SEC22A: variants seen among roughly 807,000 people sequenced by gnomAD.
SEC22A encodes the protein vesicle-trafficking protein SEC22a.
SEC22A carries 22 observed loss-of-function variants against 35.3 expected under a neutral mutation model. The observed-to-expected ratio is 0.62, with a 90% CI of 0.45 to 0.89. SEC22A has a LOEUF of 0.89. SEC22A is among the 40% of genes least tolerant of loss of function. SEC22A has a pLI of 0.00. For missense variants in SEC22A, 354 were observed against 362.5 expected (o/e 0.98, Z 0.19); for synonymous variants, 119 against 129.5 (o/e 0.92, Z 0.55).
At chr3:123,204,759 T>G (rs929228132) in intron 1 of SEC22A, 2 of 152,258 alleles carry the variant, frequency 1.3e-5, no homozygotes, top group Non-Finnish European at 2.9e-5. Flanking sequence ...TCAGGTTCCC[T>G]GTGAGTTAAC....
chr3:123,271,316 T>A (rs1938153522), intron 6 of SEC22A, among the ~76,000 whole-genome samples: 1 of 152,186 alleles, frequency 6.6e-6, no homozygotes, highest in East Asian at 1.9e-4. Flanking sequence ...AATGAAAAAC[T>A]TAAGAGGAAA....
intron 4 of SEC22A, among the ~76,000 whole-genome samples, chr3:123,233,404 G>A (rs1014632975): frequency 7.9e-5 from 12 of 152,068 alleles, no homozygotes; most frequent in African/African-American, 2.9e-4. Context: ...ACTCTATGAC[G>A]TTTGCACAGC....
At chr3:123,259,638 C>T (rs182483924) in intron 6 of SEC22A, 49 bp downstream of exon 6, 73 of 1,256,620 alleles carry the variant, frequency 5.8e-5, no homozygotes, top group Admixed American at 1.2e-4. Flanking sequence ...TTGTTTACTT[C>T]GGGTATCAGT....
At chr3:123,223,329 T>C (rs1414988930) in intron 2 of SEC22A, among the ~76,000 whole-genome samples, 1 of 152,252 alleles carries the variant, frequency 6.6e-6, no homozygotes, top group Admixed American at 6.5e-5. Flanking sequence ...AGAACCGTAT[T>C]GTGTGTCCCT....
intron 6 of SEC22A, among the ~76,000 whole-genome samples, chr3:123,260,926 C>T (rs1027709169): frequency 6.6e-6 from 1 of 151,286 alleles, no homozygotes; most frequent in Non-Finnish European, 1.5e-5. Flanking sequence ...AGCTCCGCCT[C>T]CCAGGTTCAC....
At chr3:123,264,625 ATTTT>A (rs369549384) in intron 6 of SEC22A, among the ~76,000 whole-genome samples, 1 of 133,278 alleles carries the variant, frequency 7.5e-6, no homozygotes, top group Non-Finnish European at 1.6e-5. Context: ...ACATCTTTTG[ATTTT>A]TTTTTTTTTT....
intron 5 of SEC22A, among the ~76,000 whole-genome samples, chr3:123,258,086 T>C (rs935213523): frequency 1.3e-5 from 2 of 151,836 alleles, no homozygotes; most frequent in African/African-American, 4.8e-5. Flanking sequence ...AGTATCCAAT[T>C]GTAGGACAAT....
intron 5 of SEC22A, among the ~76,000 whole-genome samples, chr3:123,254,503 C>A (rs890850196): frequency 7.9e-5 from 12 of 152,168 alleles, no homozygotes; most frequent in South Asian, 6.2e-4. Context: ...TCTGTCCACT[C>A]CCACTTTTGT....
At chr3:123,203,503 G>A (rs1936793867) in intron 1 of SEC22A, among the ~76,000 whole-genome samples, 1 of 152,164 alleles carries the variant, frequency 6.6e-6, no homozygotes, top group Non-Finnish European at 1.5e-5. Context: ...ACAAGCCTAT[G>A]AGATAGATGC....
At chr3:123,269,217 A>ATTT (rs1938099889) in intron 6 of SEC22A, among the ~76,000 whole-genome samples, 3 of 96,008 alleles carry the variant, frequency 3.1e-5, no homozygotes, top group African/African-American at 8.2e-5. Flanking sequence ...GTGTGTGTGT[A>ATTT]TATATTACTG....
chr3:123,248,521 A>G (rs1042167068), intron 5 of SEC22A, among the ~76,000 whole-genome samples: 3 of 152,228 alleles, frequency 2.0e-5, no homozygotes, highest in Admixed American at 2.0e-4. Context: ...GAGTAAATCT[A>G]AAATGTATAT....
intron 6 of SEC22A, among the ~76,000 whole-genome samples, chr3:123,269,782 G>A (rs957254729): frequency 4.0e-5 from 6 of 151,644 alleles, no homozygotes; most frequent in African/African-American, 1.2e-4. Context: ...ACAGGCGCCC[G>A]CCACCACACC....
intron 5 of SEC22A, among the ~76,000 whole-genome samples, chr3:123,248,012 T>C (rs1009664561): frequency 1.3e-5 from 2 of 152,002 alleles, no homozygotes; most frequent in Non-Finnish European, 2.9e-5. Context: ...CCAAACCCCA[T>C]CCATCATAAA....
intron 4 of SEC22A, among the ~76,000 whole-genome samples, chr3:123,232,090 A>C (rs1937335151): frequency 6.6e-6 from 1 of 152,046 alleles, no homozygotes; most frequent in South Asian, 2.1e-4. Flanking sequence ...AATACAAAAA[A>C]TTAGCTGAGC....
intron 2 of SEC22A, among the ~76,000 whole-genome samples, chr3:123,221,341 T>C (rs9830158): frequency 0.2 from 29,637 of 151,162 alleles, 2,994 homozygotes; most frequent in Middle Eastern, 0.28. Context: ...TGTGGTGGTG[T>C]GTGCCTGTAA....
At chr3:123,240,780 G>T (rs904518623) in intron 4 of SEC22A, among the ~76,000 whole-genome samples, 6 of 151,886 alleles carry the variant, frequency 4.0e-5, no homozygotes, top group Non-Finnish European at 7.4e-5. Context: ...GACATTTAGT[G>T]TTGTTAGTCT....
At chr3:123,208,051 T>C (rs1936879031) in intron 1 of SEC22A, among the ~76,000 whole-genome samples, 1 of 152,222 alleles carries the variant, frequency 6.6e-6, no homozygotes, top group African/African-American at 2.4e-5. Flanking sequence ...TAATTTGGCA[T>C]CTTTTTCTGC....
chr3:123,205,602 C>T (rs1936839134), intron 1 of SEC22A, among the ~76,000 whole-genome samples: 1 of 152,090 alleles, frequency 6.6e-6, no homozygotes, highest in African/African-American at 2.4e-5. Context: ...GCAGGGGAAT[C>T]GCTTGAACCT....
intron 4 of SEC22A, among the ~76,000 whole-genome samples, chr3:123,244,901 T>C (rs1373233221): frequency 6.6e-6 from 1 of 152,202 alleles, no homozygotes; most frequent in African/African-American, 2.4e-5. Flanking sequence ...GTTAATTCTA[T>C]TAAGCGTAAG....
Sources: gnomAD v4.1 joint callset for allele counts (sites outside exome capture counted in the v4.1 genomes callset) on GRCh38, gnomAD v4.1.1 for gene constraint, MANE v1.5 for transcripts, NCBI Gene and HGNC (gene_info 2026-07-23, HGNC 2026-07-21) for gene names.